Variants in CDH23 observed in about 807,000 individuals in gnomAD.
CDH23 encodes cadherin-23.
CDH23 carries 189 observed loss-of-function variants against 317.1 expected under a neutral mutation model. That is an observed-to-expected ratio of 0.60 (90% CI 0.53 to 0.67). The LOEUF (loss-of-function observed/expected upper bound fraction) is 0.67. Ranked by LOEUF, CDH23 falls within the 30% of genes least tolerant of loss-of-function variation. The probability of loss-of-function intolerance (pLI) is 0.00; values close to 1 mark genes in which losing one functional copy is unlikely to be tolerated. For missense variants in CDH23, 4,401 were observed against 4,592.4 expected (o/e 0.96, Z 1.20); for synonymous variants, 1,839 against 1,876.8 (o/e 0.98, Z 0.52).
At chr10:71,522,218 T>G (rs1854736410) in intron 6 of CDH23, among the ~76,000 whole-genome samples, 1 of 151,906 alleles carries the variant, frequency 6.6e-6, no homozygotes, top group African/African-American at 2.4e-5. Flanking sequence ...GCTTTATGAG[T>G]GATTGCAAAG....
chr10:71,582,124 CA>C (rs1256713302), intron 9 of CDH23, among the ~76,000 whole-genome samples: 2 of 152,198 alleles, frequency 1.3e-5, no homozygotes, highest in African/African-American at 2.4e-5. Flanking sequence ...AAGCAGGACC[CA>C]GGGGTCCTTG....
In CDH23 at chr10:71,803,026, T is replaced by G; in HGVS notation, c.7611T>G (p.Asp2537Glu). 1 of 1,613,872 alleles carries G rather than the reference T, an allele frequency of 6.2e-7. No homozygotes were observed. Among genetic ancestry groups the G allele is most frequent in the Non-Finnish European group, 8.5e-7 (1 of 1,179,848 alleles). Reference protein sequence around the residue: ...SVITMMATDQDEGPNGELTYS... With the variant: ...SVITMMATDQEEGPNGELTYS... ...TCACCATGATGGCCACTGACCAGGA[T>G]GAAGGTCCCAATGGAGAGTTGACCT... The change falls in exon 54 of 70, where the codon GAT (aspartate) becomes GAG (glutamate). Residue 2537 changes from aspartate to glutamate, a missense_variant. By Grantham distance (45) the Asp-to-Glu change is conservative. Coordinates refer to ENST00000224721, the MANE Select transcript of CDH23 (RefSeq NM_022124.6).
intron 14 of CDH23, among the ~76,000 whole-genome samples, chr10:71,657,201 G>A (rs1863454521): frequency 6.6e-6 from 1 of 152,260 alleles, no homozygotes; most frequent in South Asian, 2.1e-4. Context: ...CCCTAGGCGG[G>A]GTTGGGGTCC....
At chr10:71,618,924 A>G (rs543889007) in intron 11 of CDH23, among the ~76,000 whole-genome samples, 33 of 152,200 alleles carry the variant, frequency 2.2e-4, no homozygotes, top group Non-Finnish European at 4.0e-4. Flanking sequence ...AACTAAAGTA[A>G]GTATTGATCA....
rs1564779763 is a variant in CDH23, at chr10:71,760,064, C to CACACACATATAT, written c.4846-17609_4846-17608insTATATACACACA. On this transcript the variant is annotated intron_variant, in intron 38 of 69. Transcript: ENST00000224721. ...ATATATACACACACACATATATATA[C>CACACACATATAT]ACACACACATATATATACACACACA... is the stretch of plus-strand genomic sequence containing the variant. Among the ~76,000 whole-genome samples the CACACACATATAT allele has an allele frequency of 1.3e-4, 3 of 23,276 alleles. 1 individual carries two copies. 15.3% of individuals were successfully genotyped at this position (23,276 alleles called of 152,430 possible).
intron 6 of CDH23, among the ~76,000 whole-genome samples, chr10:71,528,571 G>A (rs1855176123): frequency 6.6e-6 from 1 of 152,258 alleles, no homozygotes; most frequent in Admixed American, 6.5e-5. Flanking sequence ...ATATTGGAAT[G>A]TGAAGGGTAA....
chr10:71,443,655 G>A (rs749697754), intron 2 of CDH23, among the ~76,000 whole-genome samples: 4 of 152,246 alleles, frequency 2.6e-5, no homozygotes, highest in Non-Finnish European at 4.4e-5. Context: ...GGTGGGCCAC[G>A]TGGGGCTTGG....
At chr10:71,759,914 C>CATATATACACACACACACACAT (rs1840272679) in intron 38 of CDH23, among the ~76,000 whole-genome samples, 1 of 56,820 alleles carries the variant, frequency 1.8e-5, no homozygotes, top group Non-Finnish European at 4.5e-5. Flanking sequence ...TACACACACA[C>CATATATACACACACACACACAT]ATATATACAC....
intron 41 of CDH23, among the ~76,000 whole-genome samples, chr10:71,781,896 G>A (rs1840966364): frequency 6.6e-6 from 1 of 152,190 alleles, no homozygotes; most frequent in Non-Finnish European, 1.5e-5. Flanking sequence ...GCTGACATGG[G>A]TCACGACATC....
intron 36 of CDH23, 71 bp downstream of exon 36, chr10:71,739,843 A>G: frequency 6.7e-7 from 1 of 1,486,464 alleles, no homozygotes; most frequent in Non-Finnish European, 9.1e-7. Flanking sequence ...CTCTCCATCC[A>G]GGAGAGAGCC....
At chr10:71,487,313 G>A (rs1852404155) in intron 3 of CDH23, among the ~76,000 whole-genome samples, 1 of 152,238 alleles carries the variant, frequency 6.6e-6, no homozygotes, top group East Asian at 1.9e-4. Flanking sequence ...GGGGGTTAGG[G>A]GTGCTGACCA....
In CDH23 at chr10:71,811,440, C is replaced by T; in HGVS notation, c.9198+5C>T. On this transcript the variant is annotated splice_donor_5th_base_variant and intron_variant, in intron 63 of 69. Coordinates refer to ENST00000224721, the MANE Select transcript of CDH23 (RefSeq NM_022124.6). Reference sequence around the variant, plus strand: ...GATGACATGTCTGCCCTGCAGGTACCCGGCGACCGTGCCCCACAGCCCTAG... The same window carrying T: ...GATGACATGTCTGCCCTGCAGGTACTCGGCGACCGTGCCCCACAGCCCTAG... The T allele has an allele frequency of 6.2e-7, 1 of 1,614,006 alleles. No homozygotes were observed. Among genetic ancestry groups the T allele is most frequent in the Non-Finnish European group, 8.5e-7 (1 of 1,179,894 alleles).
At chr10:71,465,381 A>G (rs1312623825) in intron 3 of CDH23, among the ~76,000 whole-genome samples, 1 of 152,256 alleles carries the variant, frequency 6.6e-6, no homozygotes, top group African/African-American at 2.4e-5. Context: ...ATGCCTAGCT[A>G]TCATCCCCTA....
At chr10:71,675,702 T>C (rs1018386457) in intron 15 of CDH23, among the ~76,000 whole-genome samples, 6 of 152,204 alleles carry the variant, frequency 3.9e-5, no homozygotes, top group Non-Finnish European at 1.5e-5. Context: ...GGCTTCTGCA[T>C]GTGACCTTCA....
rs114272390 is a variant in CDH23 at position 71,787,113 on chromosome 10, G to A, written c.5820+1375G>A. Among the ~76,000 whole-genome samples the A allele has an allele frequency of 7.2e-3, 1,101 of 152,280 alleles. 13 individuals are homozygous for A. The highest frequency in any genetic ancestry group is 0.025 in the African/African-American group (1,051 of 41,548). ...CCAGCCAGGGCAACAGGAAGGCCTTGAAGGTCGAGAAACAGGACTCATCTT... is the reference window on the plus strand; with the variant it reads ...CCAGCCAGGGCAACAGGAAGGCCTTAAAGGTCGAGAAACAGGACTCATCTT... On this transcript the variant is annotated intron_variant, in intron 44 of 69. Coordinates refer to ENST00000224721, the MANE Select transcript of CDH23 (RefSeq NM_022124.6).
At chr10:71,617,972 A>G (rs1272349852) in intron 11 of CDH23, among the ~76,000 whole-genome samples, 1 of 152,030 alleles carries the variant, frequency 6.6e-6, no homozygotes, top group East Asian at 1.9e-4. Flanking sequence ...AGCCTGGGCA[A>G]CAAGAGTAAG....
chr10:71,557,433 G>T (rs1589203852), intron 6 of CDH23, among the ~76,000 whole-genome samples: 1 of 152,308 alleles, frequency 6.6e-6, no homozygotes, highest in East Asian at 1.9e-4. Context: ...CTGGAGGCTT[G>T]ATGTGGGGTG....
intron 6 of CDH23, among the ~76,000 whole-genome samples, chr10:71,566,356 A>G (rs1857398139): frequency 6.6e-6 from 1 of 152,120 alleles, no homozygotes; most frequent in Non-Finnish European, 1.5e-5. Context: ...TCTGTCTGTG[A>G]AGGGCTGCCA....
At chr10:71,552,848 A>G (rs148067427) in intron 6 of CDH23, among the ~76,000 whole-genome samples, 149 of 152,258 alleles carry the variant, frequency 9.8e-4, no homozygotes, top group African/African-American at 3.1e-3. Context: ...GAGGTTAAGA[A>G]TGCTGTGTGT....
Sources: gnomAD v4.1 joint callset for allele counts (sites outside exome capture counted in the v4.1 genomes callset) on GRCh38, gnomAD v4.1.1 for gene constraint, MANE v1.5 for transcripts, NCBI Gene and HGNC (gene_info 2026-07-23, HGNC 2026-07-21) for gene names.